TAFA1: variants seen among roughly 807,000 people sequenced by gnomAD.
The protein encoded by TAFA1 is TAFA chemokine like family member 1.
TAFA1 carries 4 observed loss-of-function variants against 18.5 expected under a neutral mutation model. That is an observed-to-expected ratio of 0.22 (90% CI 0.11 to 0.49). TAFA1 has a LOEUF of 0.49. TAFA1 is among the 20% of genes least tolerant of loss of function. TAFA1 has a pLI of 0.98. For missense variants in TAFA1, 147 were observed against 169.0 expected (o/e 0.87, Z 0.72); for synonymous variants, 56 against 55.2 (o/e 1.01, Z -0.06).
At chr3:68,021,044 G>T (rs1704677377) in intron 2 of TAFA1, among the ~76,000 whole-genome samples, 1 of 151,842 alleles carries the variant, frequency 6.6e-6, no homozygotes, top group African/African-American at 2.4e-5. Context: ...AAATCAGCTG[G>T]ACATGGTGGC....
chr3:68,276,955 A>G (rs2067808901), intron 2 of TAFA1, among the ~76,000 whole-genome samples: 1 of 152,160 alleles, frequency 6.6e-6, no homozygotes, highest in Non-Finnish European at 1.5e-5. Context: ...CAAAGAATAT[A>G]GTCAAGTATA....
chr3:68,229,101 G>A (rs140259888), intron 2 of TAFA1, among the ~76,000 whole-genome samples: 2 of 152,276 alleles, frequency 1.3e-5, no homozygotes, highest in East Asian at 3.9e-4. Context: ...TCAAATTCAA[G>A]AAATCTTGGC....
chr3:68,474,111 C>T (rs564906195), intron 3 of TAFA1, among the ~76,000 whole-genome samples: 266 of 148,972 alleles, frequency 1.8e-3, no homozygotes, highest in African/African-American at 6.3e-3. Context: ...GTTTAACTAT[C>T]AAATAATTTC....
At chr3:68,240,000 A>T (rs1224095285) in intron 2 of TAFA1, among the ~76,000 whole-genome samples, 1 of 152,204 alleles carries the variant, frequency 6.6e-6, no homozygotes, top group African/African-American at 2.4e-5. Flanking sequence ...TTTGTAAAAT[A>T]GGTGGTTTTA....
At chr3:68,438,081 A>T (rs1006473813) in intron 3 of TAFA1, among the ~76,000 whole-genome samples, 3 of 152,180 alleles carry the variant, frequency 2.0e-5, no homozygotes, top group Non-Finnish European at 4.4e-5. Context: ...CAGATTAGCC[A>T]TGTGCAGTGG....
At chr3:68,133,416 A>G (rs1033217562) in intron 2 of TAFA1, among the ~76,000 whole-genome samples, 13 of 152,188 alleles carry the variant, frequency 8.5e-5, no homozygotes, top group Non-Finnish European at 1.6e-4. Flanking sequence ...AGTCAATGGT[A>G]GCTTGATGAG....
intron 2 of TAFA1, among the ~76,000 whole-genome samples, chr3:68,034,106 C>T (rs1267686004): frequency 6.6e-6 from 1 of 152,168 alleles, no homozygotes. Context: ...ACTTGCTACC[C>T]ATAACCACCT....
intron 2 of TAFA1, among the ~76,000 whole-genome samples, chr3:68,058,033 T>A (rs1036650180): frequency 5.3e-5 from 8 of 152,206 alleles, no homozygotes; most frequent in African/African-American, 1.7e-4. Flanking sequence ...CATGGTAGTT[T>A]GCTACTGCAG....
rs758999742 is a variant in TAFA1 at position 68,294,996 on chromosome 3, TAG to T, written c.119-122281_119-122280del. ...CGGTTCACAGGGAAGAATCTGAATT[TAG>T]AGTCAGAAGCTCTAGGTGTGAACTT... is the stretch of plus-strand genomic sequence containing the variant. On this transcript the variant is annotated intron_variant, in intron 2 of 4. Transcript: ENST00000478136. Among the ~76,000 whole-genome samples, 8 of 152,336 alleles carry T rather than the reference TAG, an allele frequency of 5.3e-5. 1 individual carries two copies. The South Asian group carries it at 1.7e-3, about 32-fold the overall frequency.
At chr3:68,391,300 C>T (rs1481643090) in intron 2 of TAFA1, among the ~76,000 whole-genome samples, 1 of 151,780 alleles carries the variant, frequency 6.6e-6, no homozygotes, top group South Asian at 2.1e-4. Flanking sequence ...AGCATGAAGA[C>T]AAGATTAGAG....
At chr3:68,335,687 G>T (rs986092753) in intron 2 of TAFA1, among the ~76,000 whole-genome samples, 2 of 152,068 alleles carry the variant, frequency 1.3e-5, no homozygotes, top group African/African-American at 4.8e-5. Flanking sequence ...AACTTTGGTA[G>T]GTTGAGTTCG....
intron 2 of TAFA1, among the ~76,000 whole-genome samples, chr3:68,061,013 T>C (rs1189325126): frequency 3.3e-5 from 5 of 152,220 alleles, no homozygotes; most frequent in Non-Finnish European, 5.9e-5. Flanking sequence ...GTGTGTACTC[T>C]CTTTCTTGCT....
chr3:68,280,481 A>G (rs76370984), intron 2 of TAFA1, among the ~76,000 whole-genome samples: 7,167 of 152,226 alleles, frequency 0.047, 212 homozygotes, highest in African/African-American at 0.073. Flanking sequence ...AAATTTTCAG[A>G]TGGTAAAGAC....
intron 2 of TAFA1, among the ~76,000 whole-genome samples, chr3:68,414,434 C>A (rs2070773757): frequency 6.6e-6 from 1 of 152,126 alleles, no homozygotes; most frequent in African/African-American, 2.4e-5. Flanking sequence ...AGTTTTTCAA[C>A]CATAAGGCAC....
intron 3 of TAFA1, among the ~76,000 whole-genome samples, chr3:68,418,552 T>A (rs1393101426): frequency 1.3e-5 from 2 of 151,948 alleles, no homozygotes; most frequent in East Asian, 3.9e-4. Context: ...TCACTTCTTT[T>A]GTGATTCTTC....
At chr3:68,145,668 T>C in intron 2 of TAFA1, 1 of 941,344 alleles carries the variant, frequency 1.1e-6, no homozygotes, top group Non-Finnish European at 1.8e-6. Flanking sequence ...ATCTTCAGAA[T>C]CCTGTATACT....
chr3:68,249,658 C>T (rs969564842), intron 2 of TAFA1, among the ~76,000 whole-genome samples: 1 of 152,060 alleles, frequency 6.6e-6, no homozygotes, highest in Non-Finnish European at 1.5e-5. Flanking sequence ...AGCAGACAGT[C>T]AGGACTAAGA....
intron 3 of TAFA1, among the ~76,000 whole-genome samples, chr3:68,460,244 A>C (rs2071749037): frequency 6.6e-6 from 1 of 152,128 alleles, no homozygotes; most frequent in African/African-American, 2.4e-5. Flanking sequence ...TCAGAATTCC[A>C]GATTTGGAAG....
upstream of TAFA1, among the ~76,000 whole-genome samples, chr3:68,000,541 AG>A (rs1406797502): frequency 6.6e-6 from 1 of 152,236 alleles, no homozygotes; most frequent in East Asian, 1.9e-4. Context: ...TAGGTGGGTC[AG>A]TTCATGCAGA....
Sources: allele counts gnomAD v4.1 joint callset (sites outside exome capture counted in the v4.1 genomes callset), GRCh38; gene constraint gnomAD v4.1.1; transcripts MANE v1.5; gene names NCBI Gene and HGNC (gene_info 2026-07-23, HGNC 2026-07-21).